L3MBTL4: variants seen among roughly 807,000 people sequenced by gnomAD.
The protein encoded by L3MBTL4 is L3MBTL histone methyl-lysine binding protein 4, also known as lethal(3)malignant brain tumor-like protein 4.
In L3MBTL4, 70 loss-of-function variants were observed where a neutral mutation model predicts 84.5. That is an observed-to-expected ratio of 0.83 (90% CI 0.68 to 1.01). L3MBTL4 has a LOEUF of 1.01. Among genes scored for constraint, L3MBTL4 ranks in the 50% least tolerant of loss-of-function variants. The probability of loss-of-function intolerance (pLI) is 0.00; values close to 1 mark genes in which losing one functional copy is unlikely to be tolerated. For synonymous variants in L3MBTL4, 274 were observed against 259.8 expected (o/e 1.05, Z -0.52); for missense variants, 715 against 754.8 (o/e 0.95, Z 0.62).
rs2056117962 is a variant in L3MBTL4, at chr18:6,414,614, GAGAA to G, written c.-91+183_-91+186del. The stretch of plus-strand genomic sequence containing the variant: ...GCGCGCCCCGGCGGCGAAAGAGAAA[GAGAA>G]AGAGCCTGGGCCGGGACCGGGGCTA... On this transcript the variant is annotated intron_variant, in intron 1 of 18. Transcript: ENST00000317931. This position sits in a 1 kb window ranked among gnomAD's most constrained non-coding sequence, Gnocchi z 5.4. 1 of 152,124 alleles carries G rather than the reference GAGAA, an allele frequency of 6.6e-6. No homozygotes were observed. Among genetic ancestry groups the G allele is most frequent in the Non-Finnish European group, 1.5e-5 (1 of 68,078 alleles). 9.4% of individuals were successfully genotyped at this position (152,124 alleles called of 1,614,324 possible). A position where few individuals can be genotyped will look rare whatever the true frequency, so the allele number is the denominator to read the frequency against.
At position 5,986,307 on chromosome 18, in the gene L3MBTL4, G is replaced by C. The variant is rs553668670; in HGVS notation, c.1445-16745C>G. On this transcript the variant is annotated intron_variant, in intron 16 of 18. Transcript: ENST00000317931. ...GTTCCCATGTTCAAATGAGGAAACT[G>C]ATATGCAGATTGCCTCAGAAGCCAT... is the stretch of plus-strand genomic sequence containing the variant. 7.9e-5 allele frequency among the ~76,000 whole-genome samples: 12 copies of C among 152,320 alleles called. No homozygotes were observed. The East Asian group carries it at 2.1e-3, about 27-fold the overall frequency.
intron 4 of L3MBTL4, among the ~76,000 whole-genome samples, chr18:6,274,191 T>C (rs1346124888): frequency 6.6e-6 from 1 of 152,206 alleles, no homozygotes; most frequent in Non-Finnish European, 1.5e-5. Flanking sequence ...ACCAGCAGCA[T>C]CAGTGTCACC....
At chr18:6,351,653 G>A (rs1016714019) in intron 1 of L3MBTL4, among the ~76,000 whole-genome samples, 5 of 151,890 alleles carry the variant, frequency 3.3e-5, no homozygotes, top group Admixed American at 6.6e-5. Context: ...CCGGGTTCAC[G>A]CCATTCTCCT....
chr18:6,119,363 C>T (rs1473364861), intron 14 of L3MBTL4, among the ~76,000 whole-genome samples: 1 of 152,202 alleles, frequency 6.6e-6, no homozygotes, highest in Non-Finnish European at 1.5e-5. Context: ...CACAGTCTAA[C>T]ACACAGATTT....
intron 12 of L3MBTL4, among the ~76,000 whole-genome samples, chr18:6,205,876 T>A (rs932689092): frequency 6.6e-6 from 1 of 152,222 alleles, no homozygotes; most frequent in Admixed American, 6.5e-5. Context: ...ATTTGGAATG[T>A]CAGAACTGCA....
chr18:6,244,681 C>A (rs1456498648), intron 5 of L3MBTL4, 93 bp from the exon 6 acceptor site: 2 of 829,962 alleles, frequency 2.4e-6, no homozygotes, highest in Non-Finnish European at 4.0e-6. Context: ...AAGTCTAAAA[C>A]AATTGAACTC....
intron 15 of L3MBTL4, among the ~76,000 whole-genome samples, chr18:6,089,130 G>A (rs1311532273): frequency 6.6e-6 from 1 of 152,050 alleles, no homozygotes; most frequent in Non-Finnish European, 1.5e-5. Flanking sequence ...TGAAAAAAAA[G>A]TCCCCCTCAG....
intron 5 of L3MBTL4, among the ~76,000 whole-genome samples, chr18:6,257,645 CTTT>C (rs770563046): frequency 3.1e-5 from 4 of 127,498 alleles, no homozygotes; most frequent in South Asian, 2.6e-4. Context: ...TTTTCTTTTT[CTTT>C]TTTTTTTTTT....
At chr18:6,209,165 C>A (rs2045994088) in intron 12 of L3MBTL4, among the ~76,000 whole-genome samples, 1 of 152,122 alleles carries the variant, frequency 6.6e-6, no homozygotes, top group South Asian at 2.1e-4. Context: ...TTCTCCATCC[C>A]AACTGCACAG....
chr18:6,199,773 A>G (rs2045571099), intron 12 of L3MBTL4, among the ~76,000 whole-genome samples: 1 of 152,200 alleles, frequency 6.6e-6, no homozygotes, highest in Non-Finnish European at 1.5e-5. Context: ...AGGCAGCTGA[A>G]ATGAAAAAAC....
intron 13 of L3MBTL4, among the ~76,000 whole-genome samples, chr18:6,152,326 T>G (rs1432349297): frequency 6.6e-6 from 1 of 152,188 alleles, no homozygotes; most frequent in African/African-American, 2.4e-5. Flanking sequence ...CCATAACAGC[T>G]ATACCAATTT....
chr18:6,248,271 A>C (rs1219595625), intron 5 of L3MBTL4, among the ~76,000 whole-genome samples: 2 of 152,260 alleles, frequency 1.3e-5, no homozygotes, highest in East Asian at 3.9e-4. Context: ...CCTATTTTAA[A>C]AGTTCAAGAT....
At chr18:6,193,354 A>C (rs963610818) in intron 12 of L3MBTL4, among the ~76,000 whole-genome samples, 1 of 152,180 alleles carries the variant, frequency 6.6e-6, no homozygotes, top group Non-Finnish European at 1.5e-5. Context: ...ATACAGTTTG[A>C]AGACACGAGA....
intron 1 of L3MBTL4, among the ~76,000 whole-genome samples, chr18:6,336,267 A>T (rs190702025): frequency 8.9e-4 from 136 of 152,192 alleles, no homozygotes; most frequent in Non-Finnish European, 1.6e-3. Flanking sequence ...AAAAGGAGAA[A>T]CTCAGAGAGA....
chr18:6,379,533 T>C (rs1254790088), intron 1 of L3MBTL4, among the ~76,000 whole-genome samples: 4 of 152,232 alleles, frequency 2.6e-5, no homozygotes, highest in African/African-American at 9.6e-5. Context: ...TGAAGGCAAG[T>C]TGAATTTTGT....
intron 13 of L3MBTL4, among the ~76,000 whole-genome samples, chr18:6,163,351 A>G (rs1220328397): frequency 6.6e-6 from 1 of 150,562 alleles, no homozygotes; most frequent in Non-Finnish European, 1.5e-5. Flanking sequence ...CAGGGATGAC[A>G]TATATTGAAC....
intron 16 of L3MBTL4, among the ~76,000 whole-genome samples, chr18:5,974,643 C>T (rs937618275): frequency 4.6e-5 from 7 of 152,130 alleles, no homozygotes; most frequent in Admixed American, 2.6e-4. Context: ...GGCAGAGCAC[C>T]GTCTGCTTCC....
At chr18:6,398,116 C>A (rs1183789821) in intron 1 of L3MBTL4, 1 of 149,580 alleles carries the variant, frequency 6.7e-6, no homozygotes, top group African/African-American at 2.5e-5. Context: ...CTCAAGGCTG[C>A]AGTGAACTGT....
intron 14 of L3MBTL4, among the ~76,000 whole-genome samples, chr18:6,103,641 T>C (rs2058905149): frequency 6.6e-6 from 1 of 152,226 alleles, no homozygotes; most frequent in Non-Finnish European, 1.5e-5. Flanking sequence ...AAGTTCAATA[T>C]ACTGAATTTA....
Sources: gnomAD v4.1 joint callset for allele counts (sites outside exome capture counted in the v4.1 genomes callset) on GRCh38, gnomAD v4.1.1 for gene constraint, Gnocchi (gnomAD v3.1) non-coding constraint, MANE v1.5 for transcripts, NCBI Gene and HGNC (gene_info 2026-07-23, HGNC 2026-07-21) for gene names.